Variants in SLIT2 observed in about 807,000 individuals in gnomAD.
SLIT2 encodes the protein slit guidance ligand 2.
Under a neutral mutation model 185.7 loss-of-function variants are expected in SLIT2, and 41 were observed. The ratio of observed to expected loss-of-function variants is 0.22; its 90% CI spans 0.17 to 0.29. SLIT2 has a LOEUF of 0.29. Ranked by LOEUF, SLIT2 falls within the 10% of genes least tolerant of loss-of-function variation. The probability of loss-of-function intolerance (pLI) is 1.00; values close to 1 mark genes in which losing one functional copy is unlikely to be tolerated. For synonymous variants in SLIT2, 693 were observed against 680.2 expected, an observed-to-expected ratio of 1.02 and a Z score of -0.29; for missense variants, 1,571 against 1,909.0, an observed-to-expected ratio of 0.82 and a Z score of 3.30.
At chr4:20,505,717 T>C (rs1719145101) in intron 9 of SLIT2, among the ~76,000 whole-genome samples, 1 of 152,074 alleles carries the variant, frequency 6.6e-6, no homozygotes, top group Admixed American at 6.6e-5. Flanking sequence ...AAAAGATAGC[T>C]GCACATAATT....
intron 17 of SLIT2, among the ~76,000 whole-genome samples, chr4:20,532,886 A>T (rs368681117): frequency 3.3e-5 from 5 of 152,310 alleles, no homozygotes; most frequent in African/African-American, 1.2e-4. Flanking sequence ...TTAAGAAGCT[A>T]CTGTGTGCAA....
chr4:20,516,061 C>T (rs1720184479), intron 11 of SLIT2, among the ~76,000 whole-genome samples: 1 of 152,192 alleles, frequency 6.6e-6, no homozygotes, highest in Non-Finnish European at 1.5e-5. Context: ...GTGATCCGGC[C>T]GCCTGGGCCT....
At chr4:20,400,745 A>C (rs1393567049) in intron 4 of SLIT2, among the ~76,000 whole-genome samples, 1 of 151,756 alleles carries the variant, frequency 6.6e-6, no homozygotes, top group East Asian at 1.9e-4. Context: ...TGATCAGTTA[A>C]AGAAGGAGGA....
intron 11 of SLIT2, among the ~76,000 whole-genome samples, chr4:20,511,611 G>GTTTTT (rs1553915431): frequency 8.9e-5 from 2 of 22,468 alleles, no homozygotes; most frequent in African/African-American, 3.6e-4. Flanking sequence ...TTTATTTTTG[G>GTTTTT]TAGAGATGGA....
At chr4:20,554,306 A>G (rs1318346050) in intron 26 of SLIT2, 1 of 465,406 alleles carries the variant, frequency 2.1e-6, no homozygotes, top group East Asian at 6.7e-5. Context: ...CCCTGCTCCT[A>G]GGGCTGCCAG....
chr4:20,331,567 A>G (rs1720069769), intron 4 of SLIT2, among the ~76,000 whole-genome samples: 1 of 152,090 alleles, frequency 6.6e-6, no homozygotes. Context: ...GATTTTCATG[A>G]GTTTGCTCAC....
Position 20,253,012 on chromosome 4 carries a change from C to T in SLIT2, c.-804C>T, listed in dbSNP as rs1722160004. 6.6e-6 allele frequency among the ~76,000 whole-genome samples: 1 copy of T among 152,194 alleles called. No homozygotes were observed. Among genetic ancestry groups the T allele is most frequent in the Non-Finnish European group, 1.5e-5 (1 of 68,026 alleles). On this transcript the variant is annotated 5_prime_UTR_variant, in exon 1 of 37. Coordinates refer to ENST00000504154, the MANE Select transcript of SLIT2 (RefSeq NM_004787.4). The stretch of plus-strand genomic sequence containing the variant: ...TGCCCTTTTGTCTTTTCTGCGTGAC[C>T]TCGGGGCAGGTCCTGGTGCAGAGCG...
intron 26 of SLIT2, among the ~76,000 whole-genome samples, chr4:20,561,120 G>A (rs1379126506): frequency 6.6e-6 from 1 of 151,784 alleles, no homozygotes; most frequent in East Asian, 1.9e-4. Context: ...AACACAAAGA[G>A]GGGAGGAGGC....
intron 9 of SLIT2, among the ~76,000 whole-genome samples, chr4:20,502,904 G>A (rs1718869634): frequency 6.6e-6 from 1 of 152,032 alleles, no homozygotes; most frequent in Non-Finnish European, 1.5e-5. Context: ...ACTCTATAGG[G>A]GATAATGAAG....
intron 31 of SLIT2, 85 bp downstream of exon 31, chr4:20,595,919 A>G: frequency 1.7e-6 from 2 of 1,168,880 alleles, no homozygotes; most frequent in Non-Finnish European, 2.4e-6. Context: ...GTAATCGTAC[A>G]TTTTAAAATA....
intron 16 of SLIT2, among the ~76,000 whole-genome samples, chr4:20,530,970 A>G (rs1392607631): frequency 6.6e-6 from 1 of 151,982 alleles, no homozygotes; most frequent in African/African-American, 2.4e-5. Flanking sequence ...GGCTAAAAAA[A>G]AAAAACAAAA....
At chr4:20,563,294 T>C (rs185254891) in intron 26 of SLIT2, among the ~76,000 whole-genome samples, 2 of 151,948 alleles carry the variant, frequency 1.3e-5, no homozygotes, top group Admixed American at 1.3e-4. Flanking sequence ...TCTTTATCCC[T>C]GAAGCTACGT....
intron 5 of SLIT2, among the ~76,000 whole-genome samples, chr4:20,476,945 A>G: frequency 6.6e-6 from 1 of 152,090 alleles, no homozygotes; most frequent in East Asian, 1.9e-4. Context: ...AATAAATCAA[A>G]ATTTGAAACT....
intron 12 of SLIT2, among the ~76,000 whole-genome samples, chr4:20,520,910 C>T (rs1329597286): frequency 6.6e-6 from 1 of 152,080 alleles, no homozygotes; most frequent in Non-Finnish European, 1.5e-5. Context: ...TCAGATTTTT[C>T]TAAGCTTTCC....
intron 4 of SLIT2, among the ~76,000 whole-genome samples, chr4:20,320,419 A>G (rs1414620170): frequency 1.3e-5 from 2 of 152,118 alleles, no homozygotes; most frequent in Non-Finnish European, 2.9e-5. Context: ...AAGTTATTCA[A>G]CTTATTCTGA....
At chr4:20,266,900 A>G (rs1713087662) in intron 3 of SLIT2, among the ~76,000 whole-genome samples, 2 of 152,054 alleles carry the variant, frequency 1.3e-5, no homozygotes, top group African/African-American at 4.8e-5. Context: ...AGCACTTCAT[A>G]AAGAGAACTG....
chr4:20,338,277 G>T (rs557605776), intron 4 of SLIT2, among the ~76,000 whole-genome samples: 1 of 152,266 alleles, frequency 6.6e-6, no homozygotes, highest in African/African-American at 2.4e-5. Flanking sequence ...ACATGTGCTA[G>T]GCAGCCTACA....
chr4:20,382,113 T>C (rs1172018070), intron 4 of SLIT2, among the ~76,000 whole-genome samples: 1 of 152,082 alleles, frequency 6.6e-6, no homozygotes, highest in African/African-American at 2.4e-5. Context: ...ATTCAATATA[T>C]TAACAGATTT....
At chr4:20,422,736 C>G (rs1270715007) in intron 4 of SLIT2, among the ~76,000 whole-genome samples, 2 of 152,016 alleles carry the variant, frequency 1.3e-5, no homozygotes, top group Admixed American at 6.6e-5. Context: ...GACTTTACAT[C>G]TGGGAGATCT....
Sources: gnomAD v4.1 joint callset for allele counts (sites outside exome capture counted in the v4.1 genomes callset) on GRCh38, gnomAD v4.1.1 for gene constraint, MANE v1.5 for transcripts, NCBI Gene and HGNC (gene_info 2026-07-23, HGNC 2026-07-21) for gene names.